Variants in HEATR5B observed in about 807,000 individuals in gnomAD.
HEATR5B encodes the protein HEAT repeat containing 5B.
Under a neutral mutation model 224.1 loss-of-function variants are expected in HEATR5B, and 156 were observed. That is an observed-to-expected ratio of 0.70 (90% CI 0.61 to 0.80). HEATR5B has a LOEUF of 0.80. HEATR5B is among the 30% of genes least tolerant of loss of function. The pLI is 0.00. For synonymous variants in HEATR5B, 1,027 were observed against 893.0 expected (o/e 1.15, Z -2.68); for missense variants, 2,323 against 2,535.5 (o/e 0.92, Z 1.80).
In HEATR5B at chr2:37,057,470, A is replaced by C. The variant is rs756863774; in HGVS notation, c.2070T>G (p.Asn690Lys). The change falls in exon 15 of 36, where the codon AAT (asparagine) becomes AAG (lysine). Residue 690 changes from asparagine (N) to lysine (K), a missense_variant. Asn to Lys is a moderately conservative substitution (Grantham distance 94, BLOSUM62 0). Transcript: ENST00000233099. Reference protein sequence around the residue: ...LPPKTYEGSFNALLRELVAEF... With the variant: ...LPPKTYEGSFKALLRELVAEF... ...CCGCTACCAGTTCTCTAAGAAGTGC[A>C]TTAAAAGATCCTAAAAAACAGAACT... 1 of 1,601,550 alleles carries C rather than the reference A, an allele frequency of 6.2e-7. No homozygotes were observed. The highest frequency in any genetic ancestry group is 1.1e-5 in the South Asian group (1 of 87,836).
chr2:37,028,664 G>A lies in HEATR5B; in HGVS notation c.3601+17C>T, dbSNP rs369733171. ...AAACAATTTCCATTATTTTAAGAAC[G>A]CACATTAAATACTTACCACTAGAAG... is the stretch of plus-strand genomic sequence containing the variant. On this transcript the variant is annotated intron_variant, in intron 23 of 35. Coordinates refer to ENST00000233099, the MANE Select transcript of HEATR5B (RefSeq NM_019024.3). 1.3e-4 allele frequency: 208 copies of A among 1,605,048 alleles called. No individual in the cohort carries two copies. The highest frequency in any genetic ancestry group is 1.5e-4 in the Non-Finnish European group (178 of 1,174,456).
At chr2:37,018,172 A>G (rs1206418107) in intron 26 of HEATR5B, among the ~76,000 whole-genome samples, 1 of 150,918 alleles carries the variant, frequency 6.6e-6, no homozygotes, top group Non-Finnish European at 1.5e-5. Context: ...TAAGCCTGCC[A>G]CTAGAAAAAA....
At chr2:36,987,227 A>G (rs901132780) in intron 35 of HEATR5B, among the ~76,000 whole-genome samples, 2 of 152,020 alleles carry the variant, frequency 1.3e-5, no homozygotes, top group Non-Finnish European at 2.9e-5. Flanking sequence ...TGAGGAGTTC[A>G]AGACCAACTT....
chr2:36,984,215 A>AAAAAAAAAAAAAAAAAAT, intron 35 of HEATR5B, among the ~76,000 whole-genome samples: 27 of 77,638 alleles, frequency 3.5e-4, no homozygotes, highest in African/African-American at 1.6e-3. Flanking sequence ...AAAAAAAAAA[A>AAAAAAAAAAAAAAAAAAT]ATATATATAT....
At chr2:37,069,902 T>TC (rs1671804262) in intron 7 of HEATR5B, among the ~76,000 whole-genome samples, 1 of 149,112 alleles carries the variant, frequency 6.7e-6, no homozygotes, top group African/African-American at 2.5e-5. Flanking sequence ...AACAAAATCT[T>TC]TTTTTTTTTT....
At chr2:36,987,420 C>CAAAAA (rs369088419) in intron 35 of HEATR5B, among the ~76,000 whole-genome samples, 2 of 113,006 alleles carry the variant, frequency 1.8e-5, no homozygotes, top group African/African-American at 6.3e-5. Flanking sequence ...GACTTTGTTT[C>CAAAAA]AAAAAAAAAA....
chr2:37,004,559 C>T (rs1667292488), intron 30 of HEATR5B, among the ~76,000 whole-genome samples: 1 of 151,842 alleles, frequency 6.6e-6, no homozygotes, highest in South Asian at 2.1e-4. Flanking sequence ...CTCTTATTCA[C>T]TCCTCAATCT....
At chr2:37,066,989 C>G (rs1268668308) in intron 8 of HEATR5B, among the ~76,000 whole-genome samples, 2 of 152,030 alleles carry the variant, frequency 1.3e-5, no homozygotes, top group African/African-American at 4.8e-5. Flanking sequence ...CCCAACTCAC[C>G]CTCCTGAGTA....
rs184896535 is a variant in HEATR5B, at chr2:37,040,315, G to A, written c.3046+14C>T. On this transcript the variant is annotated intron_variant, in intron 20 of 35. Transcript: ENST00000233099. ...TATCTAACTAGGTTCCTTAATTTCA[G>A]ATGATTTACTTACCTTGTAGTTCAG... 3.2e-4 allele frequency: 517 copies of A among 1,596,856 alleles called. 1 individual carries two copies. The East Asian group carries it at 9.6e-3, about 30-fold the overall frequency.
chr2:37,078,669 A>G (rs909608244), intron 3 of HEATR5B, among the ~76,000 whole-genome samples: 3 of 152,184 alleles, frequency 2.0e-5, no homozygotes, highest in Non-Finnish European at 4.4e-5. Context: ...AGTAGACCTA[A>G]AAATTAGAAT....
intron 18 of HEATR5B, among the ~76,000 whole-genome samples, chr2:37,048,970 T>C (rs535307290): frequency 6.6e-6 from 1 of 152,258 alleles, no homozygotes; most frequent in Non-Finnish European, 1.5e-5. Context: ...TCTATATATA[T>C]GATAGCTAAG....
At chr2:37,034,248 C>T (rs1471524327) in intron 21 of HEATR5B, among the ~76,000 whole-genome samples, 3 of 150,620 alleles carry the variant, frequency 2.0e-5, no homozygotes, top group African/African-American at 2.4e-5. Context: ...CCTTCTGATC[C>T]GCCCACCTCA....
intron 4 of HEATR5B, 114 bp from the exon 5 acceptor site, chr2:37,075,748 G>A (rs1158334068): frequency 5.6e-5 from 33 of 592,630 alleles, no homozygotes; most frequent in South Asian, 1.3e-4. Flanking sequence ...AATTATAAAC[G>A]GTAAATAATG....
chr2:37,062,100 A>G (rs1671317117), intron 10 of HEATR5B, 50 bp from the exon 11 acceptor site: 1 of 1,104,032 alleles, frequency 9.1e-7, no homozygotes, highest in African/African-American at 1.5e-5. Flanking sequence ...GTTAAATTAA[A>G]TAAGGAAACA....
At chr2:37,022,085 G>A (rs889214598) in intron 24 of HEATR5B, among the ~76,000 whole-genome samples, 1 of 151,576 alleles carries the variant, frequency 6.6e-6, no homozygotes, top group Non-Finnish European at 1.5e-5. Flanking sequence ...TTTTTCCCAG[G>A]TGAATCCTTA....
At chr2:37,036,637 G>C (rs1051494050) in intron 21 of HEATR5B, among the ~76,000 whole-genome samples, 1 of 151,636 alleles carries the variant, frequency 6.6e-6, no homozygotes, top group Non-Finnish European at 1.5e-5. Flanking sequence ...TCAGCCTCCC[G>C]AGTAGCTGAG....
intron 32 of HEATR5B, 26 bp from the exon 33 acceptor site, chr2:37,000,839 C>T (rs1667045937): frequency 4.2e-6 from 6 of 1,440,648 alleles, no homozygotes; most frequent in Non-Finnish European, 5.9e-6. Context: ...ATCAGATCAC[C>T]TCATAACTAT....
chr2:37,042,941 CA>C (rs1184325221), intron 18 of HEATR5B, among the ~76,000 whole-genome samples: 1 of 151,154 alleles, frequency 6.6e-6, no homozygotes, highest in Non-Finnish European at 1.5e-5. Context: ...AGATGAAGCC[CA>C]AAGCTGAAGA....
chr2:37,038,723 T>C (rs1053005751), intron 20 of HEATR5B, among the ~76,000 whole-genome samples: 2 of 151,948 alleles, frequency 1.3e-5, no homozygotes, highest in Admixed American at 6.6e-5. Flanking sequence ...GGCGGACGAA[T>C]CACCTGAGGT....
Sources: gnomAD v4.1 joint callset for allele counts (sites outside exome capture counted in the v4.1 genomes callset) on GRCh38, gnomAD v4.1.1 for gene constraint, MANE v1.5 for transcripts, NCBI Gene and HGNC (gene_info 2026-07-23, HGNC 2026-07-21) for gene names.